The following APLF variants were observed in gnomAD, a reference collection of about 807,000 sequenced individuals.
APLF encodes aprataxin and PNKP like factor.
A neutral mutation model predicts 55.6 loss-of-function variants in APLF; 61 were observed. The ratio of observed to expected loss-of-function variants is 1.10; its 90% CI spans 0.89 to 1.36. The LOEUF (loss-of-function observed/expected upper bound fraction) is 1.36, where lower values mean the gene tolerates loss of function less well. APLF is among the 40% of genes most tolerant of loss of function. The probability of loss-of-function intolerance (pLI) is 0.00; values close to 1 mark genes in which losing one functional copy is unlikely to be tolerated. For synonymous variants in APLF, 207 were observed against 214.8 expected, an observed-to-expected ratio of 0.96 and a Z score of 0.32; for missense variants, 611 against 602.5, an observed-to-expected ratio of 1.01 and a Z score of -0.15.
chr2:68,563,292 A>G, intron 8 of APLF: 1 of 984,592 alleles, frequency 1.0e-6, no homozygotes, highest in South Asian at 4.7e-5. Context: ...TTTTTAAAAT[A>G]TAAAATTTCA....
At position 68,496,524 on chromosome 2, in the gene APLF, T is replaced by A. The variant is rs146954330; in HGVS notation, c.169-6207T>A. ...GCCACGTGGCTAGGCTACAAATTTA[T>A]CAAGCTTTTGCACTCTGCTTCCTAT... is the stretch of plus-strand genomic sequence containing the variant. On this transcript the variant is annotated intron_variant, in intron 2 of 9. Transcript: ENST00000303795. Among the ~76,000 whole-genome samples the A allele has an allele frequency of 2.1e-3, 321 of 152,362 alleles. 1 individual carries two copies. Among genetic ancestry groups the A allele is most frequent in the African/African-American group, 7.2e-3 (300 of 41,588 alleles).
At chr2:68,516,960 A>G (rs1669603077) in intron 5 of APLF, among the ~76,000 whole-genome samples, 1 of 125,722 alleles carries the variant, frequency 8.0e-6, no homozygotes, top group Non-Finnish European at 1.6e-5. Flanking sequence ...AATATAATAT[A>G]TAATAATATA....
At chr2:68,517,058 T>G (rs1321964134) in intron 5 of APLF, among the ~76,000 whole-genome samples, 1 of 124,526 alleles carries the variant, frequency 8.0e-6, no homozygotes, top group Non-Finnish European at 1.6e-5. Context: ...ATGTTATTAA[T>G]ATATAACATG....
At chr2:68,472,651 T>C (rs760808858) in intron 1 of APLF, among the ~76,000 whole-genome samples, 1 of 151,938 alleles carries the variant, frequency 6.6e-6, no homozygotes, top group Non-Finnish European at 1.5e-5. Context: ...GCATGTTGAG[T>C]TTGACTGTGG....
At chr2:68,546,934 T>TTG (rs1417737139) in intron 8 of APLF, among the ~76,000 whole-genome samples, 4 of 151,738 alleles carry the variant, frequency 2.6e-5, no homozygotes, top group Non-Finnish European at 5.9e-5. Flanking sequence ...TGGATAAGGA[T>TTG]TGCAAAGGAA....
intron 8 of APLF, chr2:68,563,281 C>G: frequency 1.0e-6 from 1 of 984,882 alleles, no homozygotes; most frequent in Non-Finnish European, 1.2e-6. Flanking sequence ...ATTTTTTCCC[C>G]TTTTTAAAAT....
At chr2:68,538,684 T>A (rs1397955815) in intron 7 of APLF, among the ~76,000 whole-genome samples, 1 of 133,298 alleles carries the variant, frequency 7.5e-6, no homozygotes, top group Non-Finnish European at 1.7e-5. Context: ...AATATAATAA[T>A]CCTGGATTGA....
chr2:68,485,582 C>G (rs1238422930), intron 1 of APLF, among the ~76,000 whole-genome samples: 1 of 151,982 alleles, frequency 6.6e-6, no homozygotes, highest in African/African-American at 2.4e-5. Context: ...CCCAACAGAC[C>G]TTTTTCTTGT....
At chr2:68,539,435 G>A (rs1221903451) in intron 7 of APLF, among the ~76,000 whole-genome samples, 2 of 152,176 alleles carry the variant, frequency 1.3e-5, no homozygotes, top group Non-Finnish European at 2.9e-5. Flanking sequence ...CACATAGCCT[G>A]TTCTCTGTAC....
At chr2:68,476,485 A>G (rs1251504065) in intron 1 of APLF, among the ~76,000 whole-genome samples, 1 of 151,604 alleles carries the variant, frequency 6.6e-6, no homozygotes, top group African/African-American at 2.4e-5. Context: ...TCAAAAAAAA[A>G]AAAAAAAAAA....
At chr2:68,568,461 T>C in intron 9 of APLF, 1 of 266,494 alleles carries the variant, frequency 3.8e-6, no homozygotes, top group Non-Finnish European at 5.8e-6. Context: ...TCCCTTTATC[T>C]GAGCTAACAT....
At position 68,526,099 on chromosome 2, in the gene APLF, A is replaced by G. The variant is rs1346622132; in HGVS notation, c.661A>G (p.Lys221Glu). ...IQGSGKEEIC[K>E]DKSQLNTTQQ... ...GGGAAGTGGAAAAGAAGAAATCTGC[A>G]AAGATAAATCCCAGCTAAACACAAC... The change falls in exon 6 of 10, where the codon AAA (lysine) becomes GAA (glutamate). Residue 221 changes from lysine to glutamate, a missense_variant. Physicochemically the swap from Lys to Glu is moderately conservative, Grantham distance 56. Transcript: ENST00000303795. 2.5e-6 allele frequency: 4 copies of G among 1,613,556 alleles called. No homozygotes were observed. In the South Asian group the frequency reaches 4.4e-5, roughly 18 times the overall value.
chr2:68,506,049 C>T (rs1467302244), intron 3 of APLF, among the ~76,000 whole-genome samples: 1 of 151,852 alleles, frequency 6.6e-6, no homozygotes, highest in African/African-American at 2.4e-5. Context: ...AAAAGACGCT[C>T]CTTTCACCTG....
At chr2:68,521,284 GGTGACAGTTTGACTCA>G (rs1366371244) in intron 5 of APLF, among the ~76,000 whole-genome samples, 1 of 151,556 alleles carries the variant, frequency 6.6e-6, no homozygotes, top group Non-Finnish European at 1.5e-5. Context: ...GTTGGCAAAT[GGTGACAGTTTGACTCA>G]GTGACAGTTT....
In APLF at chr2:68,579,863, A is replaced by T. The variant is rs1671724879; in HGVS notation, c.*1841A>T. ...TAAAAATGTTCTAAGATTAGATGGC[A>T]GTGATGGTTGCACAACTCTGTAAAT... On this transcript the variant is annotated 3_prime_UTR_variant, in exon 10 of 10. Transcript: ENST00000303795. 1 of 261,480 alleles carries T rather than the reference A, an allele frequency of 3.8e-6. No individual in the cohort carries two copies. 16.2% of individuals were successfully genotyped at this position (261,480 alleles called of 1,614,324 possible).
chr2:68,542,355 A>C (rs1056860309), intron 7 of APLF, among the ~76,000 whole-genome samples: 3 of 149,914 alleles, frequency 2.0e-5, no homozygotes, highest in African/African-American at 7.6e-5. Context: ...ATTAACACAG[A>C]GTGAAATGAC....
intron 6 of APLF, among the ~76,000 whole-genome samples, chr2:68,534,888 A>G (rs1670346015): frequency 6.6e-6 from 1 of 152,210 alleles, no homozygotes; most frequent in South Asian, 2.1e-4. Context: ...GTGCAAATTT[A>G]TGTCTCAGCA....
At chr2:68,535,726 C>G (rs1273881298) in intron 6 of APLF, among the ~76,000 whole-genome samples, 2 of 151,566 alleles carry the variant, frequency 1.3e-5, no homozygotes, top group Non-Finnish European at 2.9e-5. Flanking sequence ...AAGGGGCCCT[C>G]AGCAGTAAGA....
intron 8 of APLF, among the ~76,000 whole-genome samples, chr2:68,550,794 T>A (rs1266107034): frequency 1.3e-5 from 2 of 152,136 alleles, no homozygotes; most frequent in African/African-American, 4.8e-5. Flanking sequence ...TTACATCACT[T>A]TAATTTCATT....
Sources: allele counts gnomAD v4.1 joint callset (sites outside exome capture counted in the v4.1 genomes callset), GRCh38; gene constraint gnomAD v4.1.1; transcripts MANE v1.5; gene names NCBI Gene and HGNC (gene_info 2026-07-23, HGNC 2026-07-21).